The following CTNNA2 variants were observed in gnomAD, a reference collection of about 807,000 sequenced individuals.
CTNNA2 encodes the protein catenin alpha 2.
In CTNNA2, 42 loss-of-function variants were observed where a neutral mutation model predicts 101.0. The ratio of observed to expected loss-of-function variants is 0.42; its 90% CI spans 0.32 to 0.54. The LOEUF (loss-of-function observed/expected upper bound fraction) is 0.54. CTNNA2 is among the 20% of genes least tolerant of loss of function. The pLI is 0.14. For synonymous variants in CTNNA2, 450 were observed against 456.4 expected (o/e 0.99, Z 0.18); for missense variants, 871 against 1,223.1 (o/e 0.71, Z 4.29).
At chr2:79,264,467 A>G (rs1389101705) in intron 2 of CTNNA2, among the ~76,000 whole-genome samples, 1 of 152,194 alleles carries the variant, frequency 6.6e-6, no homozygotes, top group Non-Finnish European at 1.5e-5. Context: ...ATAATAGTAC[A>G]TACTCCATAT....
At chr2:80,369,485 T>G (rs925553262) in intron 7 of CTNNA2, among the ~76,000 whole-genome samples, 5 of 152,068 alleles carry the variant, frequency 3.3e-5, no homozygotes, top group Non-Finnish European at 7.4e-5. Flanking sequence ...AGTGAAATAT[T>G]GAAATTGTGG....
At chr2:79,655,460 G>A (rs549204812) in intron 2 of CTNNA2, among the ~76,000 whole-genome samples, 1 of 152,244 alleles carries the variant, frequency 6.6e-6, no homozygotes, top group Admixed American at 6.5e-5. Context: ...AGCCTTATGT[G>A]TTAAAATTTA....
intron 8 of CTNNA2, among the ~76,000 whole-genome samples, chr2:80,415,433 GT>G: frequency 6.6e-6 from 1 of 152,030 alleles, no homozygotes; most frequent in East Asian, 1.9e-4. Flanking sequence ...TTTTTTTGTA[GT>G]GTAAAATTGT....
At chr2:80,224,988 A>T (rs1352461683) in intron 7 of CTNNA2, among the ~76,000 whole-genome samples, 4 of 152,186 alleles carry the variant, frequency 2.6e-5, no homozygotes, top group Non-Finnish European at 1.5e-5. Flanking sequence ...AGCCTGCTGC[A>T]TCCAAATCCC....
intron 4 of CTNNA2, among the ~76,000 whole-genome samples, chr2:79,460,371 T>A (rs2104534971): frequency 6.6e-6 from 1 of 152,328 alleles, no homozygotes; most frequent in East Asian, 1.9e-4. Flanking sequence ...CTCCCCTTTT[T>A]TGAATATCCC....
chr2:80,045,546 G>A lies in CTNNA2; in HGVS notation c.1056+135749G>A, dbSNP rs528088064. Among the ~76,000 whole-genome samples the A allele has an allele frequency of 2.4e-4, 36 of 152,192 alleles. No homozygotes were observed. The South Asian group carries it at 6.2e-3, about 26-fold the overall frequency. On this transcript the variant is annotated intron_variant, in intron 7 of 18. Transcript: ENST00000402739. ...ACTAAATAAATAATTACAGTGAACCGCAAGTTACCATTAAATCATTATCAG... is the reference window on the plus strand; with the variant it reads ...ACTAAATAAATAATTACAGTGAACCACAAGTTACCATTAAATCATTATCAG...
At chr2:80,467,744 G>C (rs1339644988) in intron 9 of CTNNA2, among the ~76,000 whole-genome samples, 1 of 152,106 alleles carries the variant, frequency 6.6e-6, no homozygotes, top group East Asian at 1.9e-4. Context: ...AGGTGATTAA[G>C]TCATGAGGAT....
intron 7 of CTNNA2, among the ~76,000 whole-genome samples, chr2:80,241,630 C>A (rs938919579): frequency 1.7e-5 from 2 of 119,182 alleles, no homozygotes; most frequent in African/African-American, 6.5e-5. Flanking sequence ...TATCTATCAT[C>A]TTTGTTATAT....
At chr2:80,180,262 T>C (rs916772919) in intron 7 of CTNNA2, among the ~76,000 whole-genome samples, 3 of 152,190 alleles carry the variant, frequency 2.0e-5, no homozygotes, top group African/African-American at 7.2e-5. Flanking sequence ...TGTAAACTGG[T>C]TCAAGTCTGG....
At chr2:79,622,673 T>G (rs1679069237) in intron 1 of CTNNA2, among the ~76,000 whole-genome samples, 1 of 152,204 alleles carries the variant, frequency 6.6e-6, no homozygotes, top group African/African-American at 2.4e-5. Flanking sequence ...ATGTGGATAG[T>G]GGTTCATGAG....
At position 80,348,473 on chromosome 2, in the gene CTNNA2, C is replaced by T. The variant is rs536356993; in HGVS notation, c.1057-44738C>T. 1.2e-4 allele frequency among the ~76,000 whole-genome samples: 19 copies of T among 152,190 alleles called. No homozygotes were observed. The East Asian group carries it at 3.7e-3, about 30-fold the overall frequency. On this transcript the variant is annotated intron_variant, in intron 7 of 18. Coordinates refer to ENST00000402739, the MANE Select transcript of CTNNA2 (RefSeq NM_001282597.3). The stretch of plus-strand genomic sequence containing the variant: ...AGATTTCAAAAAGTTAAATAACTGC[C>T]TAAATTGCACAGCCGGTCATTGGAA...
In CTNNA2 at chr2:80,648,206, A is replaced by AT. The variant is rs762671822; in HGVS notation, c.*335dup. 36 of 179,196 alleles carry AT rather than the reference A, an allele frequency of 2.0e-4. No individual in the cohort carries two copies. The highest frequency in any genetic ancestry group is 3.1e-4 in the Non-Finnish European group (26 of 84,842). 11.1% of individuals were successfully genotyped at this position (179,196 alleles called of 1,614,324 possible). ...CTTAACTCTACAAAAGCAAACTCTA[A>AT]TGCATGCAAGAATCATTAGGTTGGC... On this transcript the variant is annotated 3_prime_UTR_variant, in exon 19 of 19. Coordinates refer to ENST00000402739, the MANE Select transcript of CTNNA2 (RefSeq NM_001282597.3).
intron 7 of CTNNA2, among the ~76,000 whole-genome samples, chr2:79,975,799 C>T (rs1321510651): frequency 3.9e-5 from 6 of 152,164 alleles, no homozygotes; most frequent in Non-Finnish European, 4.4e-5. Context: ...CCTCTGTAGG[C>T]GCACCACCCT....
chr2:80,172,484 C>T (rs1705129745), intron 7 of CTNNA2, among the ~76,000 whole-genome samples: 1 of 152,170 alleles, frequency 6.6e-6, no homozygotes, highest in African/African-American at 2.4e-5. Flanking sequence ...CCTCATTCCA[C>T]TCAAAGTGTG....
At chr2:79,983,911 C>T (rs1353149535) in intron 7 of CTNNA2, among the ~76,000 whole-genome samples, 3 of 152,118 alleles carry the variant, frequency 2.0e-5, no homozygotes, top group Non-Finnish European at 2.9e-5. Context: ...AAATATAATC[C>T]AAATTGCACT....
chr2:79,984,193 CG>C (rs1015127716), intron 7 of CTNNA2, among the ~76,000 whole-genome samples: 2 of 152,100 alleles, frequency 1.3e-5, no homozygotes, highest in Non-Finnish European at 2.9e-5. Context: ...TTAATTGCCA[CG>C]GAATTTTCAT....
intron 4 of CTNNA2, among the ~76,000 whole-genome samples, chr2:79,406,209 A>G (rs1303758450): frequency 2.6e-5 from 4 of 152,122 alleles, no homozygotes; most frequent in Non-Finnish European, 5.9e-5. Context: ...GAATCATGGC[A>G]TCTGAAGCTC....
At chr2:79,850,427 C>A (rs1680611528) in intron 3 of CTNNA2, among the ~76,000 whole-genome samples, 1 of 143,368 alleles carries the variant, frequency 7.0e-6, no homozygotes, top group Non-Finnish European at 1.5e-5. Flanking sequence ...CCCTCCCTCT[C>A]TCCCTCCCTC....
At chr2:80,029,037 T>A (rs2104174333) in intron 7 of CTNNA2, among the ~76,000 whole-genome samples, 1 of 152,336 alleles carries the variant, frequency 6.6e-6, no homozygotes, top group East Asian at 1.9e-4. Flanking sequence ...CTGCCATTAT[T>A]CTCTGAGAAG....
Sources: allele counts gnomAD v4.1 joint callset (sites outside exome capture counted in the v4.1 genomes callset), GRCh38; gene constraint gnomAD v4.1.1; transcripts MANE v1.5; gene names NCBI Gene and HGNC (gene_info 2026-07-23, HGNC 2026-07-21).